SLC22A24: variants seen among roughly 807,000 people sequenced by gnomAD.
The protein encoded by SLC22A24 is solute carrier family 22 member 24.
Under a neutral mutation model 49.8 loss-of-function variants are expected in SLC22A24, and 53 were observed. The ratio of observed to expected loss-of-function variants is 1.06; its 90% CI spans 0.85 to 1.34. The LOEUF is 1.34. Among genes scored for constraint, SLC22A24 ranks in the 40% most tolerant of loss-of-function variants. The pLI is 0.00. For synonymous variants in SLC22A24, 302 were observed against 256.4 expected, an observed-to-expected ratio of 1.18 and a Z score of -1.70; for missense variants, 786 against 675.9, an observed-to-expected ratio of 1.16 and a Z score of -1.81.
intron 2 of SLC22A24, among the ~76,000 whole-genome samples, chr11:63,129,263 T>A (rs541593513): frequency 1.8e-4 from 28 of 152,342 alleles, no homozygotes; most frequent in African/African-American, 6.7e-4. Flanking sequence ...TTTTGTCAGA[T>A]TTGTGAAAGA....
At chr11:63,137,878 G>GA (rs2087386786) in intron 1 of SLC22A24, 1 of 152,106 alleles carries the variant, frequency 6.6e-6, no homozygotes, top group Non-Finnish European at 1.5e-5. Flanking sequence ...CAGCAAAAAG[G>GA]GTAAGAAATT....
intron 1 of SLC22A24, among the ~76,000 whole-genome samples, chr11:63,135,836 G>A (rs1461392157): frequency 6.6e-6 from 1 of 152,208 alleles, no homozygotes; most frequent in Non-Finnish European, 1.5e-5. Flanking sequence ...CAGTGCAGTG[G>A]TGGTTCAAGA....
Position 63,085,991 on chromosome 11 carries a change from T to G in SLC22A24, c.1071-2534A>C, listed in dbSNP as rs79498649. 1.8e-3 allele frequency among the ~76,000 whole-genome samples: 275 copies of G among 152,222 alleles called. 9 individuals carry two copies. The East Asian group carries it at 0.049, about 27-fold the overall frequency. On this transcript the variant is annotated intron_variant, in intron 6 of 9. Coordinates refer to ENST00000612278, the MANE Select transcript of SLC22A24 (RefSeq NM_001136506.2). Reference sequence around the variant, plus strand: ...GAAACTTCTTTACAAGGAGATCCAATCTCACACCAGTCAGAATGGCTATTA... The same window carrying G: ...GAAACTTCTTTACAAGGAGATCCAAGCTCACACCAGTCAGAATGGCTATTA...
At chr11:63,094,118 T>A (rs907937632) in intron 6 of SLC22A24, among the ~76,000 whole-genome samples, 4 of 151,100 alleles carry the variant, frequency 2.6e-5, no homozygotes, top group African/African-American at 9.7e-5. Flanking sequence ...ATTAGGTATA[T>A]CTCCTAATGC....
chr11:63,132,405 T>C (rs1453163276), intron 2 of SLC22A24, among the ~76,000 whole-genome samples: 1 of 152,228 alleles, frequency 6.6e-6, no homozygotes, highest in Non-Finnish European at 1.5e-5. Context: ...TGGTTTCTCC[T>C]CATCTTTGTG....
At chr11:63,132,725 T>C (rs1236824631) in intron 2 of SLC22A24, among the ~76,000 whole-genome samples, 1 of 152,170 alleles carries the variant, frequency 6.6e-6, no homozygotes, top group African/African-American at 2.4e-5. Flanking sequence ...CGGCCCCTAC[T>C]GGGAAGTGTC....
chr11:63,136,146 G>A (rs1314349587), intron 1 of SLC22A24, among the ~76,000 whole-genome samples: 1 of 152,178 alleles, frequency 6.6e-6, no homozygotes, highest in Non-Finnish European at 1.5e-5. Context: ...AGATTGTAAT[G>A]TGTGATGAAA....
At chr11:63,122,862 G>A (rs750222442) in intron 2 of SLC22A24, among the ~76,000 whole-genome samples, 70 of 152,078 alleles carry the variant, frequency 4.6e-4, no homozygotes, top group Admixed American at 8.5e-4. Flanking sequence ...GTACATATTC[G>A]TGGGATATAT....
intron 4 of SLC22A24, among the ~76,000 whole-genome samples, chr11:63,111,957 G>C (rs1414609739): frequency 6.6e-6 from 1 of 151,644 alleles, no homozygotes; most frequent in Non-Finnish European, 1.5e-5. Flanking sequence ...GTCAATTTTG[G>C]ATCTTTCTTG....
In SLC22A24 at chr11:63,085,715, G is replaced by A. The variant is rs371835984; in HGVS notation, c.1071-2258C>T. On this transcript the variant is annotated intron_variant, in intron 6 of 9. Transcript: ENST00000612278. ...CCTTAACACATAGCCCAGTGCCTTCGCACATTTTATATTTTCCATAGACAT... is the reference window on the plus strand; with the variant it reads ...CCTTAACACATAGCCCAGTGCCTTCACACATTTTATATTTTCCATAGACAT... 3.6e-4 allele frequency among the ~76,000 whole-genome samples: 55 copies of A among 152,250 alleles called. No individual in the cohort carries two copies. The South Asian group carries it at 8.5e-3, about 24-fold the overall frequency.
chr11:63,105,128 T>C (rs756929761), intron 4 of SLC22A24, among the ~76,000 whole-genome samples: 9 of 152,346 alleles, frequency 5.9e-5, no homozygotes, highest in Admixed American at 1.3e-4. Context: ...GTCATGCCGA[T>C]GCAAGGGGTG....
intron 4 of SLC22A24, among the ~76,000 whole-genome samples, chr11:63,105,442 C>A (rs2087114999): frequency 6.6e-6 from 1 of 152,146 alleles, no homozygotes; most frequent in Admixed American, 6.6e-5. Flanking sequence ...GACATCTAAG[C>A]ATTTCCATAC....
chr11:63,090,938 T>C (rs1157400363), intron 6 of SLC22A24, among the ~76,000 whole-genome samples: 5 of 152,032 alleles, frequency 3.3e-5, no homozygotes, highest in African/African-American at 1.2e-4. Flanking sequence ...AAGATCATAG[T>C]AGAGTTGAAG....
chr11:63,113,312 A>G (rs2087188388), intron 4 of SLC22A24, among the ~76,000 whole-genome samples: 1 of 150,004 alleles, frequency 6.7e-6, no homozygotes. Flanking sequence ...TTAGCTAGTT[A>G]TTTTGCCTGT....
At chr11:63,087,676 G>A (rs1174795170) in intron 6 of SLC22A24, among the ~76,000 whole-genome samples, 1 of 152,220 alleles carries the variant, frequency 6.6e-6, no homozygotes, top group African/African-American at 2.4e-5. Context: ...AGAACCACTG[G>A]CTTGAAATTC....
At chr11:63,117,440 A>T (rs1014158635) in intron 4 of SLC22A24, among the ~76,000 whole-genome samples, 2 of 152,162 alleles carry the variant, frequency 1.3e-5, no homozygotes, top group East Asian at 1.9e-4. Context: ...GGCAGTTTAC[A>T]TCTCTGCCTT....
At chr11:63,116,576 A>G (rs1192700165) in intron 4 of SLC22A24, among the ~76,000 whole-genome samples, 1 of 152,060 alleles carries the variant, frequency 6.6e-6, no homozygotes, top group East Asian at 1.9e-4. Flanking sequence ...CTAGGTATGG[A>G]TCTTTTCAGT....
At chr11:63,087,574 C>T (rs1436771352) in intron 6 of SLC22A24, among the ~76,000 whole-genome samples, 1 of 152,160 alleles carries the variant, frequency 6.6e-6, no homozygotes, top group African/African-American at 2.4e-5. Context: ...AAGACAGAAC[C>T]ATTTACTCCC....
intron 2 of SLC22A24, among the ~76,000 whole-genome samples, chr11:63,131,351 T>G (rs1241582155): frequency 6.6e-6 from 1 of 152,184 alleles, no homozygotes; most frequent in Non-Finnish European, 1.5e-5. Context: ...GCCTGTTAAT[T>G]GAGGCAGTGT....
Sources: gnomAD v4.1 joint callset for allele counts (sites outside exome capture counted in the v4.1 genomes callset) on GRCh38, gnomAD v4.1.1 for gene constraint, MANE v1.5 for transcripts, NCBI Gene and HGNC (gene_info 2026-07-23, HGNC 2026-07-21) for gene names.